Variants in DMD observed in about 807,000 individuals in gnomAD.
The protein encoded by DMD is mutant dystrophin.
A neutral mutation model predicts 330.1 loss-of-function variants in DMD; 63 were observed. That is an observed-to-expected ratio of 0.19 (90% confidence interval 0.16 to 0.24). The LOEUF is 0.24. Ranked by LOEUF, DMD falls within the 10% of genes least tolerant of loss-of-function variation. DMD has a pLI of 1.00. For synonymous variants in DMD, 1,223 were observed against 959.8 expected (o/e 1.27, Z -5.07); for missense variants, 3,344 against 2,684.1 (o/e 1.25, Z -5.43).
Position 32,370,367 on chromosome X carries a change from A to T in DMD, c.4846-5168T>A, listed in dbSNP as rs781221902. 4.3e-3 allele frequency among the ~76,000 whole-genome samples: 477 copies of T among 110,893 alleles called. 4 individuals carry two copies. The highest frequency in any genetic ancestry group is 0.015 in the African/African-American group (449 of 30,636). ...TCTATCATGGCTAGAGGTTTAGGACATATTTTACTATTAGGCTAATGTGAC... is the reference window on the plus strand; with the variant it reads ...TCTATCATGGCTAGAGGTTTAGGACTTATTTTACTATTAGGCTAATGTGAC... On this transcript the variant is annotated intron_variant, in intron 34 of 78. Transcript: ENST00000357033.
Position 32,328,689 on chromosome X carries a change from CAA to C in DMD, c.5922+13409_5922+13410del, listed in dbSNP as rs534540235. ...ATTTCATAGGTCAATAACAACATTA[CAA>C]AAAAAAAAAACTATTAGGGAACATC... On this transcript the variant is annotated intron_variant, in intron 41 of 78. Coordinates refer to ENST00000357033, the MANE Select transcript of DMD (RefSeq NM_004006.3). Among the ~76,000 whole-genome samples, 537 of 88,611 alleles carry C rather than the reference CAA, an allele frequency of 6.1e-3. 5 individuals are homozygous for C. The highest frequency in any genetic ancestry group is 0.021 in the African/African-American group (523 of 24,441). 76.9% of individuals were successfully genotyped at this position (88,611 alleles called of 115,157 possible).
chrX:31,191,466 CAT>C (rs1486228325), intron 67 of DMD, among the ~76,000 whole-genome samples: 1 of 111,567 alleles, frequency 9.0e-6, no homozygotes, highest in Admixed American at 9.5e-5. Context: ...ACAATTCCCA[CAT>C]GTCGTGGGAG....
intron 4 of DMD, among the ~76,000 whole-genome samples, chrX:32,824,058 T>C (rs1472621169): frequency 8.9e-6 from 1 of 112,015 alleles, no homozygotes; most frequent in African/African-American, 3.2e-5. Context: ...CACAATAATG[T>C]ATCACTGCAC....
At position 31,500,561 on chromosome X, in the gene DMD, G is replaced by A. The variant is rs1403539333; in HGVS notation, c.8391-3617C>T. Among the ~76,000 whole-genome samples the A allele has an allele frequency of 6.2e-5, 7 of 112,096 alleles. No homozygotes were observed. In the Admixed American group the frequency reaches 6.6e-4, roughly 11 times the overall value. On this transcript the variant is annotated intron_variant, in intron 56 of 78. Coordinates refer to ENST00000357033, the MANE Select transcript of DMD (RefSeq NM_004006.3). ...AAGTCACATTTCTAATACATTTATC[G>A]GAAGCAGTTGCCCTATTTTTATTTT...
intron 44 of DMD, among the ~76,000 whole-genome samples, chrX:32,214,224 TA>T (rs200083093): frequency 0.018 from 1,560 of 88,880 alleles, 38 homozygotes; most frequent in African/African-American, 0.053. Context: ...CTGAAACACT[TA>T]AAAAAAAAAA....
intron 7 of DMD, among the ~76,000 whole-genome samples, chrX:32,740,967 G>A (rs1376002957): frequency 9.0e-6 from 1 of 111,396 alleles, no homozygotes; most frequent in African/African-American, 3.3e-5. Context: ...GCATGCTGTT[G>A]TATGAAGATT....
rs1166602800 is a variant in DMD, at chrX:31,576,600, C to A, written c.8217+51073G>T. ...TTCTTACTAGCATTTTTCTTAACAT[C>A]TGGTTCAATGTTCACAGCAGATCAG... On this transcript the variant is annotated intron_variant, in intron 55 of 78. Transcript: ENST00000357033. Among the ~76,000 whole-genome samples, 3 of 110,837 alleles carry A rather than the reference C, an allele frequency of 2.7e-5. No individual in the cohort carries two copies. The East Asian group carries it at 8.4e-4, about 31-fold the overall frequency.
chrX:32,432,407 G>A (rs1002876609), intron 29 of DMD, among the ~76,000 whole-genome samples: 1 of 111,743 alleles, frequency 8.9e-6, no homozygotes, highest in South Asian at 3.7e-4. Context: ...AGTTTCATCT[G>A]ATTTTTTTCC....
chrX:31,412,892 T>C (rs2061705613), intron 60 of DMD, among the ~76,000 whole-genome samples: 2 of 112,026 alleles, frequency 1.8e-5, no homozygotes, highest in Non-Finnish European at 3.8e-5. Flanking sequence ...CACTTGCCCA[T>C]AGTTCTCTTC....
intron 47 of DMD, among the ~76,000 whole-genome samples, chrX:31,911,205 A>G (rs943884990): frequency 4.5e-5 from 5 of 112,337 alleles, no homozygotes; most frequent in Admixed American, 9.4e-5. Context: ...CCTGAGGGGA[A>G]GGCAGATTAG....
At chrX:32,487,072 A>C (rs1029495752) in intron 20 of DMD, among the ~76,000 whole-genome samples, 19 of 110,820 alleles carry the variant, frequency 1.7e-4, no homozygotes, top group Non-Finnish European at 3.0e-4. Context: ...CAACCTACAA[A>C]ATGGGAGAAA....
chrX:32,490,347 A>G (rs960769509), intron 20 of DMD, among the ~76,000 whole-genome samples: 1 of 111,945 alleles, frequency 8.9e-6, no homozygotes, highest in African/African-American at 3.2e-5. Flanking sequence ...TATTTTCATT[A>G]TTATACAGCT....
intron 1 of DMD, among the ~76,000 whole-genome samples, chrX:33,290,215 T>C (rs1219557153): frequency 9.0e-6 from 1 of 111,560 alleles, no homozygotes; most frequent in Non-Finnish European, 1.9e-5. Context: ...TTGTTACTAT[T>C]CTAATCAAAA....
At chrX:31,446,841 A>G (rs1265222269) in intron 59 of DMD, among the ~76,000 whole-genome samples, 1 of 112,025 alleles carries the variant, frequency 8.9e-6, no homozygotes, top group Non-Finnish European at 1.9e-5. Flanking sequence ...AGTAGCCACA[A>G]ATAAATATCA....
chrX:33,200,405 T>A (rs1231698040), intron 1 of DMD, among the ~76,000 whole-genome samples: 2 of 111,306 alleles, frequency 1.8e-5, no homozygotes, highest in Non-Finnish European at 3.8e-5. Flanking sequence ...TGTATGTATG[T>A]GTGCCTCTGT....
At chrX:33,060,785 C>T (rs2094573186) in intron 1 of DMD, among the ~76,000 whole-genome samples, 1 of 101,041 alleles carries the variant, frequency 9.9e-6, no homozygotes, top group Admixed American at 1.1e-4. Flanking sequence ...TGCAGTGAGC[C>T]AAGATCATGC....
intron 11 of DMD, among the ~76,000 whole-genome samples, chrX:32,637,658 G>GA (rs1315546260): frequency 1.8e-5 from 2 of 111,498 alleles, no homozygotes; most frequent in African/African-American, 3.3e-5. Context: ...GGAGGCCTCA[G>GA]AAAAAATCAT....
At chrX:32,349,308 G>A (rs1213984064) in intron 37 of DMD, among the ~76,000 whole-genome samples, 5 of 111,136 alleles carry the variant, frequency 4.5e-5, no homozygotes, top group Non-Finnish European at 9.5e-5. Context: ...TTAGTTATTA[G>A]ATTAAAATTC....
In DMD at chrX:31,141,201, A is replaced by AAACAACAACAACAAC. The variant is rs34805586; in HGVS notation, c.10921+5075_10921+5089dup. Among the ~76,000 whole-genome samples, 232 of 105,919 alleles carry AAACAACAACAACAAC rather than the reference A, an allele frequency of 2.2e-3. 2 individuals are homozygous for AAACAACAACAACAAC. Among genetic ancestry groups the AAACAACAACAACAAC allele is most frequent in the African/African-American group, 8.2e-3 (219 of 26,757 alleles). 92.0% of individuals were successfully genotyped at this position (105,919 alleles called of 115,157 possible). ...AGCGAGACTCCGTCTCACACAAAAGAAACAACAACAACAACAACAACAACA... is the reference window on the plus strand; with the variant it reads ...AGCGAGACTCCGTCTCACACAAAAGAAACAACAACAACAACAACAACAACAACAACAACAACAACA... On this transcript the variant is annotated intron_variant, in intron 76 of 78. Transcript: ENST00000357033.
Sources: allele counts gnomAD v4.1 joint callset (sites outside exome capture counted in the v4.1 genomes callset), GRCh38; gene constraint gnomAD v4.1.1; transcripts MANE v1.5; gene names NCBI Gene and HGNC (gene_info 2026-07-23, HGNC 2026-07-21).